CNTN4: variants seen among roughly 807,000 people sequenced by gnomAD.
CNTN4 encodes the protein contactin 4.
A neutral mutation model predicts 122.5 loss-of-function variants in CNTN4; 77 were observed. The ratio of observed to expected loss-of-function variants is 0.63; its 90% confidence interval spans 0.52 to 0.76. CNTN4 has a LOEUF of 0.76. Ranked by LOEUF, CNTN4 falls within the 30% of genes least tolerant of loss-of-function variation. CNTN4 has a pLI of 0.00. For missense variants in CNTN4, 1,256 were observed against 1,259.1 expected (o/e 1.00, Z 0.04); for synonymous variants, 512 against 447.0 (o/e 1.15, Z -1.83).
At chr3:2,756,673 A>C (rs1559469997) in intron 6 of CNTN4, among the ~76,000 whole-genome samples, 1 of 152,176 alleles carries the variant, frequency 6.6e-6, no homozygotes, top group African/African-American at 2.4e-5. Context: ...ATTCAATATC[A>C]AGTGTCCTCA....
chr3:2,612,107 T>TACACACACACACAC (rs58025362), intron 4 of CNTN4, among the ~76,000 whole-genome samples: 1 of 150,106 alleles, frequency 6.7e-6, no homozygotes, highest in Admixed American at 6.7e-5. Flanking sequence ...ATACATATAA[T>TACACACACACACAC]ACACACACAC....
chr3:2,617,380 T>C (rs1423671637), intron 4 of CNTN4, among the ~76,000 whole-genome samples: 1 of 148,850 alleles, frequency 6.7e-6, no homozygotes, highest in Non-Finnish European at 1.5e-5. Flanking sequence ...AAGAAACATA[T>C]GAAAAACAGC....
chr3:2,254,771 A>G (rs1463208875), intron 2 of CNTN4, among the ~76,000 whole-genome samples: 1 of 152,054 alleles, frequency 6.6e-6, no homozygotes, highest in African/African-American at 2.4e-5. Flanking sequence ...AATTCCTTGT[A>G]TATTCTGGAT....
At chr3:2,584,724 A>T (rs1478869670) in intron 4 of CNTN4, among the ~76,000 whole-genome samples, 2 of 148,984 alleles carry the variant, frequency 1.3e-5, no homozygotes, top group Non-Finnish European at 3.0e-5. Context: ...AAAAAAAAGA[A>T]TAAAAAAAAG....
chr3:2,713,979 G>A (rs2087318179), intron 4 of CNTN4, among the ~76,000 whole-genome samples: 1 of 152,178 alleles, frequency 6.6e-6, no homozygotes, highest in African/African-American at 2.4e-5. Flanking sequence ...AAAGCACTTA[G>A]TGAGAAGCCT....
At chr3:2,513,413 G>C (rs994540890) in intron 3 of CNTN4, among the ~76,000 whole-genome samples, 1 of 147,760 alleles carries the variant, frequency 6.8e-6, no homozygotes, top group African/African-American at 2.6e-5. Context: ...AATAGGATTA[G>C]TTAAGGTCCA....
At chr3:2,905,468 G>T (rs2094219558) in intron 12 of CNTN4, among the ~76,000 whole-genome samples, 1 of 152,096 alleles carries the variant, frequency 6.6e-6, no homozygotes, top group African/African-American at 2.4e-5. Context: ...CTTTTATAAG[G>T]GCACTAATCC....
At chr3:2,829,989 T>C (rs1190202446) in intron 7 of CNTN4, among the ~76,000 whole-genome samples, 3 of 152,216 alleles carry the variant, frequency 2.0e-5, no homozygotes, top group African/African-American at 7.2e-5. Context: ...CTCAGCTACT[T>C]AATAAATACC....
intron 4 of CNTN4, among the ~76,000 whole-genome samples, chr3:2,573,910 A>G (rs2079539085): frequency 6.6e-6 from 1 of 152,148 alleles, no homozygotes; most frequent in Non-Finnish European, 1.5e-5. Flanking sequence ...CCACTCGCTG[A>G]ATTTTGATTT....
chr3:2,756,816 T>G (rs2090358468), intron 6 of CNTN4, among the ~76,000 whole-genome samples: 1 of 152,164 alleles, frequency 6.6e-6, no homozygotes, highest in Non-Finnish European at 1.5e-5. Flanking sequence ...GGAAAGATTC[T>G]CTCCTAGAGC....
At chr3:2,673,614 C>T (rs1243336732) in intron 4 of CNTN4, among the ~76,000 whole-genome samples, 1 of 152,078 alleles carries the variant, frequency 6.6e-6, no homozygotes, top group African/African-American at 2.4e-5. Flanking sequence ...GATCTCGGCT[C>T]ACTGCAAGCT....
At chr3:3,014,854 T>C (rs909537687) in intron 14 of CNTN4, among the ~76,000 whole-genome samples, 1 of 150,708 alleles carries the variant, frequency 6.6e-6, no homozygotes, top group African/African-American at 2.4e-5. Context: ...ATTAAGTTGC[T>C]TTATACTTGC....
At chr3:2,578,798 G>T (rs1013751365) in intron 4 of CNTN4, among the ~76,000 whole-genome samples, 1 of 152,052 alleles carries the variant, frequency 6.6e-6, no homozygotes, top group African/African-American at 2.4e-5. Flanking sequence ...GCCATAAAAT[G>T]AAGCCCATGT....
At chr3:3,027,959 A>G (rs963512261) in intron 15 of CNTN4, among the ~76,000 whole-genome samples, 2 of 152,176 alleles carry the variant, frequency 1.3e-5, no homozygotes, top group African/African-American at 4.8e-5. Context: ...GCTAACACCA[A>G]TCAACTTCTG....
At chr3:2,426,809 G>T (rs572999958) in intron 3 of CNTN4, among the ~76,000 whole-genome samples, 1 of 152,154 alleles carries the variant, frequency 6.6e-6, no homozygotes, top group African/African-American at 2.4e-5. Context: ...GAGGGTGTAT[G>T]TGTCCAGAAA....
At chr3:2,686,724 GT>G (rs2085449775) in intron 4 of CNTN4, among the ~76,000 whole-genome samples, 2 of 152,096 alleles carry the variant, frequency 1.3e-5, no homozygotes, top group African/African-American at 4.8e-5. Flanking sequence ...TAAAGCTGTA[GT>G]ACCCCAACTT....
chr3:2,362,079 A>C (rs1286797047), intron 3 of CNTN4, among the ~76,000 whole-genome samples: 1 of 152,196 alleles, frequency 6.6e-6, no homozygotes, highest in African/African-American at 2.4e-5. Context: ...CAGCATAGGC[A>C]TGAACTTGGT....
intron 14 of CNTN4, among the ~76,000 whole-genome samples, chr3:3,018,489 G>A (rs557740546): frequency 1.7e-4 from 26 of 152,278 alleles, no homozygotes; most frequent in Admixed American, 1.5e-3. Context: ...CACAGTGAGT[G>A]AGGATGCAGA....
At chr3:2,756,132 T>C (rs956051620) in intron 6 of CNTN4, among the ~76,000 whole-genome samples, 8 of 152,236 alleles carry the variant, frequency 5.3e-5, no homozygotes, top group Admixed American at 2.0e-4. Context: ...GGTGCTGTAG[T>C]ACATATATTT....
Sources: allele counts gnomAD v4.1 joint callset (sites outside exome capture counted in the v4.1 genomes callset), GRCh38; gene constraint gnomAD v4.1.1; transcripts MANE v1.5; gene names NCBI Gene and HGNC (gene_info 2026-07-23, HGNC 2026-07-21).